Variants in HMGA2 observed in about 807,000 individuals in gnomAD.
HMGA2 encodes the protein high mobility group AT-hook 2.
In HMGA2, 8 loss-of-function variants were observed where a neutral mutation model predicts 19.1. That is an observed-to-expected ratio of 0.42 (90% CI 0.25 to 0.76). The LOEUF (loss-of-function observed/expected upper bound fraction) is 0.76. Among genes scored for constraint, HMGA2 ranks in the 30% least tolerant of loss-of-function variants. The probability of loss-of-function intolerance (pLI) is 0.28; values close to 1 mark genes in which losing one functional copy is unlikely to be tolerated. For synonymous variants in HMGA2, 60 were observed against 48.8 expected (o/e 1.23, Z -0.96); for missense variants, 109 against 136.3 (o/e 0.80, Z 1.00).
intron 3 of HMGA2, among the ~76,000 whole-genome samples, chr12:65,926,316 G>A (rs774428546): frequency 2.0e-5 from 3 of 152,218 alleles, no homozygotes; most frequent in Non-Finnish European, 4.4e-5. Context: ...CTACTCAGGG[G>A]GAGGATTTAT....
At chr12:65,950,894 T>C (rs1176697816) in intron 3 of HMGA2, among the ~76,000 whole-genome samples, 2 of 152,326 alleles carry the variant, frequency 1.3e-5, no homozygotes, top group East Asian at 1.9e-4. Flanking sequence ...AGATAACCTA[T>C]GTTGTATTTC....
At chr12:65,827,933 A>G in intron 1 of HMGA2, 68 bp from the exon 2 acceptor site, 1 of 1,107,556 alleles carries the variant, frequency 9.0e-7, no homozygotes, top group Non-Finnish European at 1.4e-6. Context: ...AAATATAGCT[A>G]AAGAGTCAGG....
intron 3 of HMGA2, among the ~76,000 whole-genome samples, chr12:65,868,903 C>T (rs1872569181): frequency 6.6e-6 from 1 of 152,144 alleles, no homozygotes; most frequent in African/African-American, 2.4e-5. Flanking sequence ...TGCCAAACCC[C>T]AAATGTAGAC....
chr12:65,946,308 A>G (rs1876262284), intron 3 of HMGA2, among the ~76,000 whole-genome samples: 1 of 152,190 alleles, frequency 6.6e-6, no homozygotes, highest in Non-Finnish European at 1.5e-5. Flanking sequence ...TTTTAAAACA[A>G]AGTGGGCAAA....
intron 3 of HMGA2, among the ~76,000 whole-genome samples, chr12:65,877,707 ACT>A (rs1873121051): frequency 6.6e-6 from 1 of 151,698 alleles, no homozygotes; most frequent in East Asian, 1.9e-4. Flanking sequence ...CAGAATGAGA[ACT>A]CTTCAAGTCA....
At chr12:65,937,554 A>G (rs1875939408) in intron 3 of HMGA2, among the ~76,000 whole-genome samples, 1 of 152,226 alleles carries the variant, frequency 6.6e-6, no homozygotes, top group South Asian at 2.1e-4. Flanking sequence ...GGACATGACC[A>G]ATGAGTTACA....
intron 4 of HMGA2, among the ~76,000 whole-genome samples, chr12:65,959,159 G>A (rs1393238902): frequency 6.6e-6 from 1 of 152,222 alleles, no homozygotes; most frequent in Non-Finnish European, 1.5e-5. Flanking sequence ...AGCCTTAGGA[G>A]TTAAGTTTGG....
intron 3 of HMGA2, chr12:65,851,788 C>T (rs17101839): frequency 0.075 from 21,796 of 292,012 alleles, 2,027 homozygotes; most frequent in African/African-American, 0.28. Flanking sequence ...CCACTAATCA[C>T]GGTTCTGAAT....
intron 3 of HMGA2, among the ~76,000 whole-genome samples, chr12:65,923,994 G>A (rs905883556): frequency 6.6e-6 from 1 of 152,048 alleles, no homozygotes. Flanking sequence ...TGGGCAACAA[G>A]AGCAAAACCC....
At chr12:65,952,924 G>A (rs1876504386) in intron 4 of HMGA2, 1 of 154,888 alleles carries the variant, frequency 6.5e-6, no homozygotes, top group Admixed American at 6.3e-5. Context: ...ATATGTATAT[G>A]CCTGTGTCCT....
At chr12:65,946,468 C>A (rs1165870806) in intron 3 of HMGA2, among the ~76,000 whole-genome samples, 1 of 152,100 alleles carries the variant, frequency 6.6e-6, no homozygotes, top group Non-Finnish European at 1.5e-5. Context: ...ACATAATAAT[C>A]ATGTTTGCTT....
chr12:65,910,304 C>T (rs895191933), intron 3 of HMGA2, among the ~76,000 whole-genome samples: 1 of 152,192 alleles, frequency 6.6e-6, no homozygotes, highest in Admixed American at 6.5e-5. Flanking sequence ...TCACCAAGAG[C>T]AGATACCTTC....
At chr12:65,944,235 A>G (rs1876184795) in intron 3 of HMGA2, among the ~76,000 whole-genome samples, 1 of 152,214 alleles carries the variant, frequency 6.6e-6, no homozygotes, top group African/African-American at 2.4e-5. Flanking sequence ...TGAGTTGACC[A>G]TTAATTTTAA....
intron 3 of HMGA2, among the ~76,000 whole-genome samples, chr12:65,921,609 T>A (rs1875314153): frequency 6.6e-6 from 1 of 151,888 alleles, no homozygotes; most frequent in Admixed American, 6.6e-5. Flanking sequence ...CCTGACTATG[T>A]GATAGAAAAG....
intron 3 of HMGA2, among the ~76,000 whole-genome samples, chr12:65,860,251 T>C (rs1361370319): frequency 2.0e-5 from 3 of 152,222 alleles, no homozygotes; most frequent in Admixed American, 1.3e-4. Context: ...AACACTTACA[T>C]TGGCCTACAG....
intron 4 of HMGA2, among the ~76,000 whole-genome samples, chr12:65,961,976 G>C (rs979182623): frequency 6.6e-6 from 1 of 152,156 alleles, no homozygotes; most frequent in East Asian, 1.9e-4. Context: ...GTAGTGACCT[G>C]GGAAAGGAAG....
intron 4 of HMGA2, among the ~76,000 whole-genome samples, 199 bp from the exon 5 acceptor site, chr12:65,963,046 C>T (rs1876796795): frequency 6.6e-6 from 1 of 152,144 alleles, no homozygotes; most frequent in African/African-American, 2.4e-5. Flanking sequence ...GGCTAATGAC[C>T]GCTCTGGGAA....
intron 2 of HMGA2, chr12:65,830,683 A>G (rs1314778920): frequency 6.6e-6 from 1 of 151,982 alleles, no homozygotes; most frequent in East Asian, 1.9e-4. Flanking sequence ...GACATTTGAA[A>G]ACAAAGCTGT....
intron 3 of HMGA2, chr12:65,915,381 C>T (rs2121226577): frequency 2.3e-6 from 3 of 1,304,762 alleles, no homozygotes; most frequent in Non-Finnish European, 2.0e-6. Flanking sequence ...ACTCTAGGCA[C>T]ATGCAGAGCC....
Sources: gnomAD v4.1 joint callset for allele counts (sites outside exome capture counted in the v4.1 genomes callset) on GRCh38, gnomAD v4.1.1 for gene constraint, MANE v1.5 for transcripts, NCBI Gene and HGNC (gene_info 2026-07-23, HGNC 2026-07-21) for gene names.